The following SLC2A9 variants were observed in gnomAD, a reference collection of about 807,000 sequenced individuals.
The protein encoded by SLC2A9 is solute carrier family 2, facilitated glucose transporter member 9.
Under a neutral mutation model 50.6 loss-of-function variants are expected in SLC2A9, and 39 were observed. The ratio of observed to expected loss-of-function variants is 0.77; its 90% CI spans 0.60 to 1.01. The LOEUF is 1.01. Among genes scored for constraint, SLC2A9 ranks in the 50% least tolerant of loss-of-function variants. The pLI is 0.00. For synonymous variants in SLC2A9, 324 were observed against 276.9 expected, an observed-to-expected ratio of 1.17 and a Z score of -1.69; for missense variants, 686 against 677.6, an observed-to-expected ratio of 1.01 and a Z score of -0.14.
At chr4:10,033,746 G>T (rs928964270) in intron 1 of SLC2A9, among the ~76,000 whole-genome samples, 17 of 152,160 alleles carry the variant, frequency 1.1e-4, no homozygotes, top group African/African-American at 4.1e-4. Flanking sequence ...GGCCGACCTG[G>T]GTGGGGCTGG....
chr4:9,980,001 A>C (rs882223), intron 5 of SLC2A9, among the ~76,000 whole-genome samples: 64,368 of 149,834 alleles, frequency 0.43, 14,945 homozygotes, highest in Non-Finnish European at 0.52. Context: ...GCCTTCCTTG[A>C]GTTTACCCCA....
intron 10 of SLC2A9, among the ~76,000 whole-genome samples, chr4:9,842,171 T>C (rs1728183163): frequency 6.6e-6 from 1 of 152,234 alleles, no homozygotes; most frequent in Non-Finnish European, 1.5e-5. Context: ...TTCTTAGGTA[T>C]TTGCAGGAGG....
At chr4:9,971,592 C>T (rs551433158) in intron 5 of SLC2A9, among the ~76,000 whole-genome samples, 3 of 152,278 alleles carry the variant, frequency 2.0e-5, no homozygotes, top group African/African-American at 4.8e-5. Flanking sequence ...CAACCAACAA[C>T]GTGAGACAGG....
chr4:9,841,072 A>G (rs927644460), intron 10 of SLC2A9, among the ~76,000 whole-genome samples: 1 of 152,192 alleles, frequency 6.6e-6, no homozygotes, highest in Admixed American at 6.5e-5. Context: ...ACAATTCGAG[A>G]TGAGATTTGG....
chr4:9,926,224 T>C (rs1744867052), intron 6 of SLC2A9, among the ~76,000 whole-genome samples: 5 of 150,576 alleles, frequency 3.3e-5, no homozygotes, highest in Admixed American at 2.0e-4. Flanking sequence ...TCACATTGTC[T>C]CAGGGCCAAT....
intron 10 of SLC2A9, among the ~76,000 whole-genome samples, chr4:9,885,844 T>C (rs1736105886): frequency 6.6e-6 from 1 of 152,228 alleles, no homozygotes; most frequent in Non-Finnish European, 1.5e-5. Flanking sequence ...TCGTTATCTA[T>C]GGCTGTGTCC....
chr4:9,955,867 ATTTTTTTTTTTTTT>A (rs1170286158), intron 5 of SLC2A9, among the ~76,000 whole-genome samples: 1 of 61,688 alleles, frequency 1.6e-5, no homozygotes, highest in African/African-American at 6.9e-5. Context: ...AAGCATCTGG[ATTTTTTTTTTTTTT>A]TTTTTTTTTT....
intron 10 of SLC2A9, among the ~76,000 whole-genome samples, chr4:9,868,965 G>T (rs1452406934): frequency 6.6e-6 from 1 of 152,120 alleles, no homozygotes; most frequent in Non-Finnish European, 1.5e-5. Flanking sequence ...ATATAAAGGG[G>T]AATGTTTTCC....
intron 10 of SLC2A9, among the ~76,000 whole-genome samples, chr4:9,882,870 T>A (rs1320740977): frequency 6.6e-6 from 1 of 152,134 alleles, no homozygotes; most frequent in Non-Finnish European, 1.5e-5. Context: ...ATGATGGTAT[T>A]TATTAGCAGA....
intron 4 of SLC2A9, among the ~76,000 whole-genome samples, chr4:9,983,480 CT>C (rs1756225086): frequency 6.6e-6 from 1 of 152,242 alleles, no homozygotes; most frequent in Non-Finnish European, 1.5e-5. Context: ...CCAGGCCCCC[CT>C]GGCCCAGGGT....
intron 5 of SLC2A9, among the ~76,000 whole-genome samples, chr4:9,977,023 A>C (rs1754915451): frequency 6.6e-6 from 1 of 151,398 alleles, no homozygotes; most frequent in Non-Finnish European, 1.5e-5. Flanking sequence ...ACCTCACTCA[A>C]CCTCATCTGC....
At chr4:9,903,392 T>C (rs1191669826) in intron 8 of SLC2A9, among the ~76,000 whole-genome samples, 3 of 152,068 alleles carry the variant, frequency 2.0e-5, no homozygotes, top group African/African-American at 7.2e-5. Context: ...TCTGTGCTTC[T>C]CAAGAGTGAG....
intron 3 of SLC2A9, among the ~76,000 whole-genome samples, chr4:9,787,169 C>T (rs1186317357): frequency 1.3e-5 from 2 of 152,132 alleles, no homozygotes; most frequent in African/African-American, 2.4e-5. Flanking sequence ...AAACACATGC[C>T]CCAGAACTTG....
At chr4:9,951,076 A>G (rs948720302) in intron 5 of SLC2A9, among the ~76,000 whole-genome samples, 5 of 152,254 alleles carry the variant, frequency 3.3e-5, no homozygotes, top group African/African-American at 7.2e-5. Flanking sequence ...AATAGTAAAG[A>G]TATGGAATCA....
intron 2 of SLC2A9, among the ~76,000 whole-genome samples, chr4:10,017,388 C>G (rs1762795263): frequency 6.6e-6 from 1 of 152,200 alleles, no homozygotes; most frequent in Admixed American, 6.5e-5. Flanking sequence ...CAAATATCGA[C>G]AAGCCAGATC....
At chr4:9,957,211 C>T (rs115831126) in intron 5 of SLC2A9, among the ~76,000 whole-genome samples, 1 of 151,742 alleles carries the variant, frequency 6.6e-6, no homozygotes, top group Non-Finnish European at 1.5e-5. Flanking sequence ...AAACAGGAGG[C>T]CAAAAACATG....
intron 5 of SLC2A9, among the ~76,000 whole-genome samples, chr4:9,976,806 C>T (rs1259212432): frequency 6.6e-6 from 1 of 152,308 alleles, no homozygotes; most frequent in Non-Finnish European, 1.5e-5. Flanking sequence ...CCCAGGTCCT[C>T]GAATCAGCTC....
intron 11 of SLC2A9, among the ~76,000 whole-genome samples, chr4:9,827,905 G>A (rs1177062494): frequency 6.6e-6 from 1 of 152,206 alleles, no homozygotes; most frequent in Non-Finnish European, 1.5e-5. Flanking sequence ...ATTTAAGATA[G>A]AATTTCAATC....
At chr4:9,821,247 T>G (rs1453696811), downstream of SLC2A9, among the ~76,000 whole-genome samples, 1 of 152,208 alleles carries the variant, frequency 6.6e-6, no homozygotes, top group Non-Finnish European at 1.5e-5. Flanking sequence ...TTTTGGAATA[T>G]TGAAACAGTT....
Sources: allele counts gnomAD v4.1 joint callset (sites outside exome capture counted in the v4.1 genomes callset), GRCh38; gene constraint gnomAD v4.1.1; transcripts MANE v1.5; gene names NCBI Gene and HGNC (gene_info 2026-07-23, HGNC 2026-07-21).